Variants in HNRNPR observed in about 807,000 individuals in gnomAD.
HNRNPR encodes the protein heterogeneous nuclear ribonucleoprotein R.
A neutral mutation model predicts 70.3 loss-of-function variants in HNRNPR; 4 were observed. The observed-to-expected ratio is 0.06, with a 90% CI of 0.03 to 0.13. HNRNPR has a LOEUF of 0.13. HNRNPR is among the 10% of genes least tolerant of loss of function. The probability of loss-of-function intolerance (pLI) is 1.00; values close to 1 mark genes in which losing one functional copy is unlikely to be tolerated. For missense variants in HNRNPR, 423 were observed against 788.5 expected, an observed-to-expected ratio of 0.54 and a Z score of 5.55; for synonymous variants, 241 against 267.6, an observed-to-expected ratio of 0.90 and a Z score of 0.97.
At position 23,323,443 on chromosome 1, in the gene HNRNPR, C is replaced by T. The variant is rs948442588; in HGVS notation, c.675+113G>A. The T allele has an allele frequency of 6.9e-6, 7 of 1,014,904 alleles. No individual in the cohort carries two copies. The Admixed American group carries it at 1.2e-4, about 17-fold the overall frequency. 62.9% of individuals were successfully genotyped at this position (1,014,904 alleles called of 1,614,324 possible). A position where few individuals can be genotyped will look rare whatever the true frequency, so the allele number is the denominator to read the frequency against. ...CATACCAACTTGGTCAGTATAAAAA[C>T]ATTCCAAGCAACAACTGAAGAAATC... On this transcript the variant is annotated intron_variant, in intron 6 of 10. Transcript: ENST00000302271.
At position 23,318,661 on chromosome 1, in the gene HNRNPR, T is replaced by C. The variant is rs1645640355; in HGVS notation, c.839A>G (p.His280Arg). The C allele has an allele frequency of 6.2e-7, 1 of 1,614,178 alleles. No individual in the cohort carries two copies. The highest frequency in any genetic ancestry group is 1.1e-5 in the South Asian group (1 of 91,082). Reference sequence around the variant, plus strand: ...ATTCTTCTTTTTGTCATCGGGTTGATGATAGAGAATAACGTCCACCAAACC... The same window carrying C: ...ATTCTTCTTTTTGTCATCGGGTTGACGATAGAGAATAACGTCCACCAAACC... ...TEGLVDVILY[H>R]QPDDKKKNRG... The change falls in exon 8 of 11, where the codon CAT becomes CGT. Residue 280 changes from histidine to arginine, a missense_variant. Physicochemically the swap from His to Arg is conservative, Grantham distance 29 (BLOSUM62 0). Coordinates refer to ENST00000302271, the MANE Select transcript of HNRNPR (RefSeq NM_005826.5). The surrounding 1 kb of genome is among the most constrained non-coding windows in gnomAD (Gnocchi z 4.2).
At chr1:23,325,978 A>C (rs1442774859) in intron 5 of HNRNPR, among the ~76,000 whole-genome samples, 1 of 152,088 alleles carries the variant, frequency 6.6e-6, no homozygotes, top group Non-Finnish European at 1.5e-5. Context: ...CTCCCACCTC[A>C]GCCTCTCAAG....
intron 9 of HNRNPR, 113 bp from the exon 10 acceptor site, chr1:23,311,435 A>G: frequency 1.5e-6 from 1 of 677,980 alleles, no homozygotes; most frequent in South Asian, 2.2e-5. Flanking sequence ...TTTACTTCAC[A>G]ATTATTTTAA....
chr1:23,328,389 T>C (rs1646081906), intron 5 of HNRNPR, among the ~76,000 whole-genome samples: 2 of 152,054 alleles, frequency 1.3e-5, no homozygotes, highest in Non-Finnish European at 1.5e-5. Context: ...CTTGGTATAG[T>C]AGGGTGATAG....
Position 23,333,629 on chromosome 1 carries a change from G to C in HNRNPR, c.387C>G (p.Ala129=). The change falls in exon 5 of 11, where the codon GCC becomes GCG. Residue 129 remains alanine, a splice_region_variant and synonymous_variant. Transcript: ENST00000302271. ...GAGTATAACCAGTTCTCTCAAGCAAGGCCTAGAGATAATTATACATCTCTT... is the reference window on the plus strand; with the variant it reads ...GAGTATAACCAGTTCTCTCAAGCAACGCCTAGAGATAATTATACATCTCTT... ...TKGPDEAKIK[A]LLERTGYTLD... is the part of the protein sequence containing the mutation. The C allele has an allele frequency of 1.9e-6, 3 of 1,559,758 alleles. No individual in the cohort carries two copies. The highest frequency in any genetic ancestry group is 2.7e-6 in the Non-Finnish European group (3 of 1,130,520).
In HNRNPR at chr1:23,323,768, G is replaced by A. The variant is rs993237901; in HGVS notation, c.499-36C>T. ...ACCCCCTTATTAGAATCCAACATAA[G>A]CATTTGATTTTAGAGCCATAAAGCC... On this transcript the variant is annotated intron_variant, in intron 5 of 10. Transcript: ENST00000302271. 3.8e-6 allele frequency: 6 copies of A among 1,571,742 alleles called. No homozygotes were observed. The African/African-American group carries it at 8.2e-5, about 21-fold the overall frequency.
chr1:23,317,879 C>T (rs1407824131), intron 8 of HNRNPR, among the ~76,000 whole-genome samples: 1 of 151,850 alleles, frequency 6.6e-6, no homozygotes, highest in Non-Finnish European at 1.5e-5. Flanking sequence ...ACTTGGGAGG[C>T]TGAGGAAGGA....
At chr1:23,337,601 G>A (rs983687788) in intron 4 of HNRNPR, among the ~76,000 whole-genome samples, 153 bp downstream of exon 4, 7 of 150,950 alleles carry the variant, frequency 4.6e-5, no homozygotes, top group Non-Finnish European at 1.0e-4. Context: ...AGCTTGCAGT[G>A]ATCCAAGACT....
At position 23,318,214 on chromosome 1, in the gene HNRNPR, A is replaced by C. The variant is rs1645625641; in HGVS notation, c.1017+269T>G. ...TCCCTCACAGTGCCTAGCACTAAAC[A>C]AACACCCAGTGTGTATGGGACTACT... On this transcript the variant is annotated intron_variant, in intron 8 of 10. Coordinates refer to ENST00000302271, the MANE Select transcript of HNRNPR (RefSeq NM_005826.5). The surrounding 1 kb of genome is among the most constrained non-coding windows in gnomAD (Gnocchi z 4.2). Among the ~76,000 whole-genome samples the C allele has an allele frequency of 6.6e-6, 1 of 151,608 alleles. No individual in the cohort carries two copies. The highest frequency in any genetic ancestry group is 2.4e-5 in the African/African-American group (1 of 41,338).
At chr1:23,323,143 T>G (rs1645824524) in intron 6 of HNRNPR, among the ~76,000 whole-genome samples, 2 of 152,218 alleles carry the variant, frequency 1.3e-5, no homozygotes, top group African/African-American at 4.8e-5. Flanking sequence ...ATTTTCTGAA[T>G]TGAATCCTAA....
At position 23,306,152 on chromosome 1, in the gene HNRNPR, AG is replaced by A. The variant is rs745391977; in HGVS notation, c.*4301del. ...CTCCAAGAGACTTTTTAAGATTATA[AG>A]GTGTCTATTTTGCTCACTTAAAATA... On this transcript the variant is annotated 3_prime_UTR_variant, in exon 11 of 11. Transcript: ENST00000302271. 45 of 152,190 alleles carry A rather than the reference AG, an allele frequency of 3.0e-4. No homozygotes were observed. Among genetic ancestry groups the A allele is most frequent in the Admixed American group, 1.0e-3 (16 of 15,284 alleles). 9.4% of individuals were successfully genotyped at this position (152,190 alleles called of 1,614,324 possible).
chr1:23,333,696 T>TA, intron 4 of HNRNPR, 65 bp from the exon 5 acceptor site: 2 of 919,528 alleles, frequency 2.2e-6, no homozygotes, highest in Non-Finnish European at 3.5e-6. Context: ...ATCAGTGTAT[T>TA]AATCTTTTCC....
intron 5 of HNRNPR, among the ~76,000 whole-genome samples, chr1:23,331,484 C>A (rs1449120621): frequency 6.6e-6 from 1 of 151,316 alleles, no homozygotes; most frequent in African/African-American, 2.4e-5. Context: ...GAGTTCGAGA[C>A]CAGCCTGACC....
At chr1:23,327,921 G>A (rs1447531762) in intron 5 of HNRNPR, among the ~76,000 whole-genome samples, 1 of 148,038 alleles carries the variant, frequency 6.8e-6, no homozygotes, top group African/African-American at 2.5e-5. Context: ...ATTTTGGGAG[G>A]CCAAGGCAGA....
Position 23,311,014 on chromosome 1 carries a change from C to T in HNRNPR, c.1342G>A (p.Gly448Ser). The T allele has an allele frequency of 6.2e-7, 1 of 1,614,164 alleles. No homozygotes were observed. Residue 448 changes from glycine (G) to serine (S), a missense_variant, in exon 11 of 11, where the codon GGT becomes AGT. Gly to Ser is a moderately conservative substitution (Grantham distance 56). Around this residue, in one of 7 missense-constraint regions of HNRNPR, gnomAD observed 169 missense variants for 195.6 expected, o/e 0.86. Transcript: ENST00000302271. The stretch of plus-strand genomic sequence containing the variant: ...CCTCTCCCCCCACCACGACCCCGAC[C>T]TCTAATTGGAGGTGGCATGCGAGGA... The part of the protein sequence containing the change: ...PPPRMPPPIR[G>S]RGRGGGRGGY...
chr1:23,310,701 T>C lies in HNRNPR; in HGVS notation c.1655A>G (p.Gln552Arg). The C allele has an allele frequency of 6.2e-7, 1 of 1,613,538 alleles. No homozygotes were observed. Among genetic ancestry groups the C allele is most frequent in the Non-Finnish European group, 8.5e-7 (1 of 1,179,758 alleles). The part of the protein sequence containing the change: ...SRGGRGGPAQ[Q>R]QRGRGSRGSR... ...TCCACGGGAACCACGGCCTCTCTGC[T>C]GTTGAGCAGGACCCCCTCTGCCACC... The change falls in exon 11 of 11, where the codon CAG (glutamine) becomes CGG (arginine). Residue 552 changes from glutamine to arginine, a missense_variant. By Grantham distance (43) the Gln-to-Arg change is conservative (BLOSUM62 1). Coordinates refer to ENST00000302271, the MANE Select transcript of HNRNPR (RefSeq NM_005826.5). This position sits in a 1 kb window ranked among gnomAD's most constrained non-coding sequence, Gnocchi z 6.0.
At chr1:23,313,429 T>G in intron 9 of HNRNPR, 124 bp downstream of exon 9, 1 of 674,006 alleles carries the variant, frequency 1.5e-6, no homozygotes, top group Non-Finnish European at 2.5e-6. Context: ...TTACAGAGAT[T>G]AAATAGAAAG....
At position 23,305,754 on chromosome 1, in the gene HNRNPR, C is replaced by T. The variant is rs1261251402; in HGVS notation, c.*4700G>A. 1.3e-5 allele frequency: 2 copies of T among 152,108 alleles called. No individual in the cohort carries two copies. The highest frequency in any genetic ancestry group is 4.8e-5 in the African/African-American group (2 of 41,446). The allele number at this position is 152,108 out of a possible 1,614,324, so 9.4% of individuals were successfully genotyped here. A position where few individuals can be genotyped will look rare whatever the true frequency, so the allele number is the denominator to read the frequency against. Reference sequence around the variant, plus strand: ...ATATCTGCTAATCCTATCAGCTACCCTAGCTTTCACACAAAACACAAGTTG... The same window carrying T: ...ATATCTGCTAATCCTATCAGCTACCTTAGCTTTCACACAAAACACAAGTTG... On this transcript the variant is annotated 3_prime_UTR_variant, in exon 11 of 11. Transcript: ENST00000302271.
At chr1:23,334,482 C>G (rs1027363718) in intron 4 of HNRNPR, among the ~76,000 whole-genome samples, 1 of 150,268 alleles carries the variant, frequency 6.7e-6, no homozygotes, top group Admixed American at 6.6e-5. Context: ...GTGATCCACC[C>G]GACTTGGCCT....
Sources: allele counts gnomAD v4.1 joint callset (sites outside exome capture counted in the v4.1 genomes callset), GRCh38; gene constraint gnomAD v4.1.1; regional missense constraint gnomAD v4.1.1; non-coding constraint Gnocchi (gnomAD v3.1); transcripts MANE v1.5; gene names NCBI Gene and HGNC (gene_info 2026-07-23, HGNC 2026-07-21).